SHB: variants seen among roughly 807,000 people sequenced by gnomAD.
SHB encodes SH2 domain-containing adapter protein B.
A neutral mutation model predicts 52.3 loss-of-function variants in SHB; 20 were observed. That is an observed-to-expected ratio of 0.38 (90% CI 0.27 to 0.56). The LOEUF (loss-of-function observed/expected upper bound fraction) is 0.56. SHB is among the 20% of genes least tolerant of loss of function. The pLI, the probability that SHB is intolerant of heterozygous loss-of-function variation, is 0.71. For synonymous variants in SHB, 397 were observed against 316.5 expected (o/e 1.25, Z -2.70); for missense variants, 825 against 723.3 (o/e 1.14, Z -1.61).
chr9:38,034,889 G>A (rs913904042), intron 1 of SHB, among the ~76,000 whole-genome samples: 2 of 152,208 alleles, frequency 1.3e-5, no homozygotes, highest in Admixed American at 1.3e-4. Context: ...CAGAGATGGT[G>A]TTTCACCATG....
At chr9:37,940,121 A>G (rs1564083473) in intron 5 of SHB, among the ~76,000 whole-genome samples, 1 of 152,196 alleles carries the variant, frequency 6.6e-6, no homozygotes, top group African/African-American at 2.4e-5. Context: ...ATTTGAACCC[A>G]GGTCTCCTGG....
chr9:38,025,498 C>T (rs1385532064), intron 1 of SHB, among the ~76,000 whole-genome samples: 4 of 152,204 alleles, frequency 2.6e-5, no homozygotes, highest in African/African-American at 9.7e-5. Context: ...GCCCTGGTCG[C>T]GAAGAGTAAG....
chr9:37,951,250 A>G (rs1832563545), intron 4 of SHB, among the ~76,000 whole-genome samples: 1 of 152,214 alleles, frequency 6.6e-6, no homozygotes, highest in Non-Finnish European at 1.5e-5. Flanking sequence ...TCCAGGGGAG[A>G]AGGCAGGAAG....
chr9:38,000,579 G>A lies in SHB; in HGVS notation c.838+15432C>T, dbSNP rs142712307. On this transcript the variant is annotated intron_variant, in intron 2 of 5. Coordinates refer to ENST00000377707, the MANE Select transcript of SHB (RefSeq NM_003028.3). Reference sequence around the variant, plus strand: ...CACTGTGTGCTGATTCCCAGGTGGCGCTGTTCCGAGGCCGGGTGGGCTGAT... The same window carrying A: ...CACTGTGTGCTGATTCCCAGGTGGCACTGTTCCGAGGCCGGGTGGGCTGAT... Among the ~76,000 whole-genome samples, 555 of 152,354 alleles carry A rather than the reference G, an allele frequency of 3.6e-3. 1 individual carries two copies. Among genetic ancestry groups the A allele is most frequent in the Non-Finnish European group, 5.5e-3 (375 of 68,028 alleles).
At chr9:37,928,751 C>T (rs1046276226) in intron 5 of SHB, among the ~76,000 whole-genome samples, 2 of 152,248 alleles carry the variant, frequency 1.3e-5, no homozygotes, top group Non-Finnish European at 1.5e-5. Flanking sequence ...AATCCCGGCT[C>T]GCCTGGCCCC....
rs1822006412 is a variant in SHB at position 38,068,453 on chromosome 9, C to T, written c.193G>A (p.Ala65Thr). 2.6e-6 allele frequency: 4 copies of T among 1,532,698 alleles called. No individual in the cohort carries two copies. The East Asian group carries it at 1.1e-4, about 40-fold the overall frequency. 94.9% of individuals were successfully genotyped at this position (1,532,698 alleles called of 1,614,324 possible). ...CGPATASCFS[A>T]SSGSLPDDSG... is the part of the protein sequence containing the mutation. ...TCGTCGGGCAGCGAGCCCGAAGAGG[C>T]TGAGAAGCAGGAGGCGGTGGCCGGA... Residue 65 changes from alanine (A) to threonine (T), a missense_variant, in exon 1 of 6, where the codon GCC becomes ACC. Coordinates refer to ENST00000377707, the MANE Select transcript of SHB (RefSeq NM_003028.3).
chr9:37,946,110 T>C (rs1453479712), intron 5 of SHB, among the ~76,000 whole-genome samples: 2 of 151,906 alleles, frequency 1.3e-5, no homozygotes, highest in Non-Finnish European at 2.9e-5. Context: ...CCATACGCAG[T>C]GCACAGATGA....
At chr9:37,958,603 A>T (rs1333685053) in intron 3 of SHB, among the ~76,000 whole-genome samples, 1 of 152,114 alleles carries the variant, frequency 6.6e-6, no homozygotes, top group Non-Finnish European at 1.5e-5. Flanking sequence ...GTCCAACTAC[A>T]CACAGACAGC....
intron 5 of SHB, among the ~76,000 whole-genome samples, chr9:37,941,669 G>T (rs1832435394): frequency 6.6e-6 from 1 of 152,214 alleles, no homozygotes; most frequent in South Asian, 2.1e-4. Flanking sequence ...CAGGGGCCTG[G>T]CTGGGGAATA....
In SHB at chr9:38,068,238, G is replaced by A. The variant is rs1314406831; in HGVS notation, c.408C>T (p.Ala136=). 7.1e-6 allele frequency: 10 copies of A among 1,398,872 alleles called. No individual in the cohort carries two copies. Among genetic ancestry groups the A allele is most frequent in the Non-Finnish European group, 8.3e-6 (9 of 1,088,828 alleles). 86.7% of individuals were successfully genotyped at this position (1,398,872 alleles called of 1,614,324 possible). A position where few individuals can be genotyped will look rare whatever the true frequency, so the allele number is the denominator to read the frequency against. Residue 136 remains alanine (A), a synonymous_variant, in exon 1 of 6, where the codon GCC becomes GCT. Transcript: ENST00000377707. ...RAFSASSASG[A]AGCCCASSGA... ...CCGAGGAGGCGCAGCAACAGCCCGC[G>A]GCGCCCGACGCGGACGAGGCCGAGA...
chr9:38,065,591 C>G (rs1317700169), intron 1 of SHB, among the ~76,000 whole-genome samples: 1 of 152,166 alleles, frequency 6.6e-6, no homozygotes, highest in Non-Finnish European at 1.5e-5. Flanking sequence ...CTATAACGTC[C>G]TGCTGAGCCT....
At chr9:38,034,212 G>T (rs1821453761) in intron 1 of SHB, among the ~76,000 whole-genome samples, 1 of 152,150 alleles carries the variant, frequency 6.6e-6, no homozygotes, top group Admixed American at 6.5e-5. Flanking sequence ...GTAGACAGGA[G>T]GAAGAAATAA....
chr9:38,038,891 G>A (rs1446330458), intron 1 of SHB, among the ~76,000 whole-genome samples: 1 of 152,180 alleles, frequency 6.6e-6, no homozygotes, highest in Non-Finnish European at 1.5e-5. Context: ...ACCCCGGAGA[G>A]GGAGTGTGTG....
At chr9:37,967,332 G>C (rs1413209519) in intron 3 of SHB, among the ~76,000 whole-genome samples, 1 of 152,126 alleles carries the variant, frequency 6.6e-6, no homozygotes, top group African/African-American at 2.4e-5. Context: ...GACATACCTG[G>C]GGCCTTACTT....
chr9:38,050,503 AT>A (rs201705589), intron 1 of SHB, among the ~76,000 whole-genome samples: 3 of 151,592 alleles, frequency 2.0e-5, no homozygotes, highest in African/African-American at 7.3e-5. Context: ...CCTTTTTGGG[AT>A]TTTTTTTTAA....
chr9:38,011,638 A>C (rs1183071351), intron 2 of SHB, among the ~76,000 whole-genome samples: 1 of 152,140 alleles, frequency 6.6e-6, no homozygotes, highest in Non-Finnish European at 1.5e-5. Flanking sequence ...CACCCATCTG[A>C]GACTCAACTC....
chr9:38,048,944 G>C (rs1455741015), intron 1 of SHB, among the ~76,000 whole-genome samples: 1 of 152,180 alleles, frequency 6.6e-6, no homozygotes, highest in East Asian at 1.9e-4. Context: ...CTAAAACCAA[G>C]TCTACAACAT....
intron 3 of SHB, among the ~76,000 whole-genome samples, chr9:37,965,845 T>C (rs539109800): frequency 9.2e-5 from 14 of 152,086 alleles, no homozygotes; most frequent in Non-Finnish European, 1.5e-4. Context: ...ATCTGTACAG[T>C]GGGGGCGGTA....
At chr9:37,999,859 G>C (rs902458114) in intron 2 of SHB, among the ~76,000 whole-genome samples, 2 of 152,192 alleles carry the variant, frequency 1.3e-5, no homozygotes, top group Admixed American at 6.5e-5. Flanking sequence ...CCGGCTGTCG[G>C]AGGAGCTGCA....
Sources: allele counts gnomAD v4.1 joint callset (sites outside exome capture counted in the v4.1 genomes callset), GRCh38; gene constraint gnomAD v4.1.1; transcripts MANE v1.5; gene names NCBI Gene and HGNC (gene_info 2026-07-23, HGNC 2026-07-21).